NR2F1-AS1: variants seen among roughly 807,000 people sequenced by gnomAD.
The protein encoded by NR2F1-AS1 is NR2F1 antisense RNA 1.
intron 4 of NR2F1-AS1, among the ~76,000 whole-genome samples, chr5:93,438,524 C>T (rs533512845): frequency 6.6e-6 from 1 of 152,286 alleles, no homozygotes; most frequent in East Asian, 1.9e-4. Context: ...ACTACTTTAA[C>T]CCTAGTTCAG....
chr5:93,484,460 A>G (rs1750672690), intron 4 of NR2F1-AS1, among the ~76,000 whole-genome samples: 1 of 152,218 alleles, frequency 6.6e-6, no homozygotes, highest in South Asian at 2.1e-4. Flanking sequence ...AGCACTAAAC[A>G]TGGAAAGGAA....
chr5:93,456,336 T>C (rs1295184603), intron 4 of NR2F1-AS1, among the ~76,000 whole-genome samples: 1 of 152,170 alleles, frequency 6.6e-6, no homozygotes, highest in African/African-American at 2.4e-5. Context: ...GTCAATGCAA[T>C]TTACAATAGC....
At chr5:93,514,747 A>G (rs1580293120) in intron 4 of NR2F1-AS1, among the ~76,000 whole-genome samples, 1 of 152,196 alleles carries the variant, frequency 6.6e-6, no homozygotes, top group East Asian at 1.9e-4. Flanking sequence ...CTAACCAATT[A>G]ATTTTTTAGA....
Position 93,468,357 on chromosome 5 carries a change from TG to T in NR2F1-AS1, n.639-72816del, listed in dbSNP as rs559119852. On this transcript the variant is annotated intron_variant and non_coding_transcript_variant, in intron 4 of 5. Coordinates refer to ENST00000660523, the Ensembl canonical transcript of NR2F1-AS1. ...GATCGCCATTCTAACTGGCATGAGA[TG>T]GTATCTCATTGTGGTTTTGATTTGC... Among the ~76,000 whole-genome samples, 171 of 152,352 alleles carry T rather than the reference TG, an allele frequency of 1.1e-3. 2 individuals carry two copies. In the Middle Eastern group the frequency reaches 0.024, roughly 21 times the overall value.
chr5:93,469,038 G>A (rs1407012454), intron 4 of NR2F1-AS1, among the ~76,000 whole-genome samples: 12 of 152,098 alleles, frequency 7.9e-5, no homozygotes, highest in Non-Finnish European at 1.8e-4. Flanking sequence ...TAACCCAAAG[G>A]AATGCTTAAC....
At chr5:93,495,107 A>G (rs914144590) in intron 4 of NR2F1-AS1, among the ~76,000 whole-genome samples, 1 of 152,174 alleles carries the variant, frequency 6.6e-6, no homozygotes, top group Non-Finnish European at 1.5e-5. Flanking sequence ...TACTTATACA[A>G]TTTGGTGTGG....
chr5:93,510,119 C>G (rs868146020), intron 4 of NR2F1-AS1, among the ~76,000 whole-genome samples: 1 of 151,952 alleles, frequency 6.6e-6, no homozygotes, highest in Admixed American at 6.6e-5. Context: ...TAAGTTAGAA[C>G]GATTAAAAAT....
At chr5:93,477,956 T>C (rs1012664969) in intron 4 of NR2F1-AS1, among the ~76,000 whole-genome samples, 4 of 152,200 alleles carry the variant, frequency 2.6e-5, no homozygotes, top group African/African-American at 9.7e-5. Context: ...GTGGAGCCCC[T>C]AGTTTGATTT....
At chr5:93,436,895 T>A (rs1749443630) in intron 4 of NR2F1-AS1, among the ~76,000 whole-genome samples, 1 of 151,924 alleles carries the variant, frequency 6.6e-6, no homozygotes, top group South Asian at 2.1e-4. Context: ...AAGGACCTAA[T>A]GATACAACCT....
chr5:93,511,332 C>G (rs538864492), intron 4 of NR2F1-AS1, among the ~76,000 whole-genome samples: 151 of 152,292 alleles, frequency 9.9e-4, no homozygotes, highest in African/African-American at 2.9e-3. Flanking sequence ...TCTCCTGCTG[C>G]TGGACTGGGA....
chr5:93,483,816 A>G (rs1271704353), intron 4 of NR2F1-AS1, among the ~76,000 whole-genome samples: 5 of 152,216 alleles, frequency 3.3e-5, no homozygotes, highest in Non-Finnish European at 7.3e-5. Flanking sequence ...ACAATTATCA[A>G]TAGCCAAGTT....
chr5:93,536,018 A>G (rs921051115), intron 4 of NR2F1-AS1, among the ~76,000 whole-genome samples: 2 of 152,178 alleles, frequency 1.3e-5, no homozygotes, highest in Non-Finnish European at 2.9e-5. Context: ...AACTGTTTGC[A>G]TATGACATGA....
At chr5:93,495,660 C>A (rs1750943982) in intron 4 of NR2F1-AS1, among the ~76,000 whole-genome samples, 1 of 151,936 alleles carries the variant, frequency 6.6e-6, no homozygotes, top group African/African-American at 2.4e-5. Context: ...AGTTTTGAAT[C>A]TTTAACATAA....
At chr5:93,464,940 T>A (rs114843755) in intron 4 of NR2F1-AS1, among the ~76,000 whole-genome samples, 1 of 152,222 alleles carries the variant, frequency 6.6e-6, no homozygotes, top group Non-Finnish European at 1.5e-5. Flanking sequence ...AGTAGTATCA[T>A]CTAGCGCAAG....
At chr5:93,441,251 C>G (rs969713842) in intron 4 of NR2F1-AS1, among the ~76,000 whole-genome samples, 4 of 152,136 alleles carry the variant, frequency 2.6e-5, no homozygotes, top group Admixed American at 2.6e-4. Flanking sequence ...CATCAAAGAC[C>G]TTTATCTTTG....
At chr5:93,454,243 T>G (rs1749899307) in intron 4 of NR2F1-AS1, among the ~76,000 whole-genome samples, 1 of 152,082 alleles carries the variant, frequency 6.6e-6, no homozygotes. Context: ...ATTGCACCAC[T>G]GCACTTCACT....
intron 4 of NR2F1-AS1, among the ~76,000 whole-genome samples, chr5:93,533,585 G>A (rs1751776767): frequency 6.6e-6 from 1 of 152,016 alleles, no homozygotes; most frequent in African/African-American, 2.4e-5. Flanking sequence ...TTTAGGAAAA[G>A]AGTTCTCTTT....
intron 4 of NR2F1-AS1, among the ~76,000 whole-genome samples, chr5:93,423,637 A>G (rs1359729027): frequency 6.6e-6 from 1 of 152,240 alleles, no homozygotes; most frequent in Non-Finnish European, 1.5e-5. Flanking sequence ...AGTCCAAAGT[A>G]GTACAATTAC....
chr5:93,524,510 C>T (rs1302684513), intron 4 of NR2F1-AS1, among the ~76,000 whole-genome samples: 1 of 152,130 alleles, frequency 6.6e-6, no homozygotes, highest in Non-Finnish European at 1.5e-5. Flanking sequence ...CAGAGAACCT[C>T]ACAAAGATAT....
Sources: allele counts gnomAD v4.1 joint callset (sites outside exome capture counted in the v4.1 genomes callset), GRCh38; gene constraint gnomAD v4.1.1; transcripts MANE v1.5; gene names NCBI Gene and HGNC (gene_info 2026-07-23, HGNC 2026-07-21).